The following KDM4E variants were observed in gnomAD, a reference collection of about 807,000 sequenced individuals.
KDM4E encodes lysine demethylase 4E, also known as lysine-specific demethylase 4E.
For synonymous variants in KDM4E, 229 were observed against 232.9 expected, an observed-to-expected ratio of 0.98 and a Z score of 0.15; for missense variants, 576 against 642.6, an observed-to-expected ratio of 0.90 and a Z score of 1.12.
At position 95,025,372 on chromosome 11, in the gene KDM4E, C is replaced by T. The variant is rs797033874; in HGVS notation, c.-186C>T. On this transcript the variant is annotated 5_prime_UTR_variant, in exon 1 of 1. Transcript: ENST00000450979. The stretch of plus-strand genomic sequence containing the variant: ...AAGTATACTGACTAGAGTGGAGTCC[C>T]CCTGGGGAGTCAGAAAGCCTGTGAA... 1.3e-6 allele frequency: 1 copy of T among 761,266 alleles called. No individual in the cohort carries two copies. 47.2% of individuals were successfully genotyped at this position (761,266 alleles called of 1,614,324 possible).
In KDM4E at chr11:95,026,986, A is replaced by G; in HGVS notation, c.1429A>G (p.Arg477Gly). 6.5e-7 allele frequency: 1 copy of G among 1,537,172 alleles called. No individual in the cohort carries two copies. Among genetic ancestry groups the G allele is most frequent in the East Asian group, 2.4e-5 (1 of 40,902 alleles). Residue 477 changes from arginine to glycine, a missense_variant, in exon 1 of 1, where the codon AGG becomes GGG. Transcript: ENST00000450979. The stretch of plus-strand genomic sequence containing the variant: ...GCCAACTGTTCAGCCTGCATCCAAG[A>G]GGCGCCTTTTAATGGGTACAAGGAG... ...EEPTVQPASK[R>G]RLLMGTRSRA...
Position 95,026,346 on chromosome 11 carries a change from G to A in KDM4E, c.789G>A (p.Gln263=), listed in dbSNP as rs782138740. ...ENGIPFNCMT[Q]EAGEFMVTFP... ...GGATTCCCTTCAATTGCATGACTCA[G>A]GAGGCTGGGGAGTTCATGGTGACCT... Residue 263 remains glutamine (Q), a synonymous_variant, in exon 1 of 1, where the codon CAG becomes CAA. Transcript: ENST00000450979. The A allele has an allele frequency of 6.2e-7, 1 of 1,614,128 alleles. No individual in the cohort carries two copies. Among genetic ancestry groups the A allele is most frequent in the South Asian group, 1.1e-5 (1 of 91,082 alleles).
chr11:95,026,375 C>A lies in KDM4E; in HGVS notation c.818C>A (p.Pro273His). ...GCTGGGGAGTTCATGGTGACCTTTC[C>A]CTATGGCTACCATGCTGGCTTCAAT... The part of the protein sequence containing the change: ...QEAGEFMVTF[P>H]YGYHAGFNHG... Residue 273 changes from proline (P) to histidine (H), a missense_variant, in exon 1 of 1, where the codon CCC becomes CAC. Transcript: ENST00000450979. The A allele has an allele frequency of 6.2e-7, 1 of 1,614,048 alleles. No homozygotes were observed. The highest frequency in any genetic ancestry group is 1.1e-5 in the South Asian group (1 of 91,082).
Position 95,026,776 on chromosome 11 carries a change from T to G in KDM4E, c.1219T>G (p.Phe407Val), listed in dbSNP as rs143234858. The change falls in exon 1 of 1, where the codon TTC becomes GTC. Residue 407 changes from phenylalanine to valine, a missense_variant. Physicochemically the swap from Phe to Val is conservative, Grantham distance 50. Coordinates refer to ENST00000450979, the MANE Select transcript of KDM4E (RefSeq NM_001161630.1). Reference protein sequence around the residue: ...CGTDAVPGSAFQSSAYHTQTQ... With the variant: ...CGTDAVPGSAVQSSAYHTQTQ... ...CACTGATGCTGTGCCTGGATCCGCATTCCAAAGCTCTGCATATCATACCCA... is the reference window on the plus strand; with the variant it reads ...CACTGATGCTGTGCCTGGATCCGCAGTCCAAAGCTCTGCATATCATACCCA... 15,411 of 1,537,254 alleles carry G rather than the reference T, an allele frequency of 0.01. 103 individuals are homozygous for G. Among genetic ancestry groups the G allele is most frequent in the Non-Finnish European group, 0.012 (13,698 of 1,146,906 alleles).
chr11:95,026,981 C>T lies in KDM4E; in HGVS notation c.1424C>T (p.Ser475Phe). Residue 475 changes from serine to phenylalanine, a missense_variant, in exon 1 of 1, where the codon TCC (serine) becomes TTC (phenylalanine). Ser to Phe is a radical substitution (Grantham distance 155). Transcript: ENST00000450979. ...GTEEPTVQPA[S>F]KRRLLMGTRS... is the part of the protein sequence containing the mutation. ...GAGGAGCCAACTGTTCAGCCTGCATCCAAGAGGCGCCTTTTAATGGGTACA... is the reference window on the plus strand; with the variant it reads ...GAGGAGCCAACTGTTCAGCCTGCATTCAAGAGGCGCCTTTTAATGGGTACA... The T allele has an allele frequency of 6.5e-7, 1 of 1,537,198 alleles. No individual in the cohort carries two copies. Among genetic ancestry groups the T allele is most frequent in the African/African-American group, 1.4e-5 (1 of 73,144 alleles).
Position 95,026,622 on chromosome 11 carries a change from G to A in KDM4E, c.1065G>A (p.Leu355=), listed in dbSNP as rs976665304. ...TEPRVAESQE[L]SNWRDDIVLR... ...CCAGGGTTGCAGAAAGCCAAGAGCTGAGCAACTGGAGAGATGATATAGTAC... is the reference window on the plus strand; with the variant it reads ...CCAGGGTTGCAGAAAGCCAAGAGCTAAGCAACTGGAGAGATGATATAGTAC... The change falls in exon 1 of 1, where the codon CTG becomes CTA. Residue 355 remains leucine, a synonymous_variant. Transcript: ENST00000450979. The A allele has an allele frequency of 2.0e-5, 31 of 1,537,170 alleles. No individual in the cohort carries two copies. Among genetic ancestry groups the A allele is most frequent in the Middle Eastern group, 1.7e-4 (1 of 6,012 alleles).
In KDM4E at chr11:95,025,650, T is replaced by C; in HGVS notation, c.93T>C (p.Tyr31=). The change falls in exon 1 of 1, where the codon TAT becomes TAC. Residue 31 remains tyrosine (Y), a synonymous_variant. Coordinates refer to ENST00000450979, the MANE Select transcript of KDM4E (RefSeq NM_001161630.1). Reference sequence around the variant, plus strand: ...AAGAATTTGCAGATTTCAACACATATGTTGCTTACATGGAGTCCCAAGGCG... The same window carrying C: ...AAGAATTTGCAGATTTCAACACATACGTTGCTTACATGGAGTCCCAAGGCG... The part of the protein sequence containing the change: ...TMEEFADFNT[Y]VAYMESQGAH... 2.6e-6 allele frequency: 4 copies of C among 1,540,802 alleles called. No homozygotes were observed. Among genetic ancestry groups the C allele is most frequent in the Non-Finnish European group, 3.5e-6 (4 of 1,148,544 alleles).
rs1858279208 is a variant in KDM4E, at chr11:95,027,017, C to T, written c.1460C>T (p.Ala487Val). 1.3e-6 allele frequency: 2 copies of T among 1,537,228 alleles called. No homozygotes were observed. The highest frequency in any genetic ancestry group is 1.7e-6 in the Non-Finnish European group (2 of 1,146,900). The change falls in exon 1 of 1, where the codon GCT (alanine) becomes GTT (valine). Residue 487 changes from alanine (A) to valine (V), a missense_variant. Ala to Val is a moderately conservative substitution (Grantham distance 64, BLOSUM62 0). Transcript: ENST00000450979. ...RRLLMGTRSRAQGHRPQLPLA... is the reference protein window; with the variant it reads ...RRLLMGTRSRVQGHRPQLPLA... ...CTTTTAATGGGTACAAGGAGTAGAG[C>T]TCAAGGCCACAGGCCTCAGCTCCCG... is the stretch of plus-strand genomic sequence containing the variant.
Position 95,026,902 on chromosome 11 carries a change from C to T in KDM4E, c.1345C>T (p.Arg449Ter), listed in dbSNP as rs1471615911. 15 of 1,536,814 alleles carry T rather than the reference C, an allele frequency of 9.8e-6. No individual in the cohort carries two copies. In the Admixed American group the frequency reaches 1.2e-4, roughly 12 times the overall value. ...RGRGRGQGQG[R>*]GCSRGRGHGC... is the part of the protein sequence containing the mutation. ...TCGTGGTCGTGGTCAAGGTCAAGGT[C>T]GAGGTTGCAGTCGTGGTCGTGGTCA... Residue 449 changes from arginine to a stop codon, truncating the protein, a stop_gained, in exon 1 of 1, where the codon CGA becomes TGA. Transcript: ENST00000450979. LOFTEE classifies it low-confidence loss of function (END_TRUNC).
chr11:95,025,724 C>A lies in KDM4E; in HGVS notation c.167C>A (p.Ala56Asp). The A allele has an allele frequency of 6.4e-7, 1 of 1,574,168 alleles. No homozygotes were observed. The highest frequency in any genetic ancestry group is 8.6e-7 in the Non-Finnish European group (1 of 1,165,704). Residue 56 changes from alanine (A) to aspartate (D), a missense_variant, in exon 1 of 1, where the codon GCC becomes GAC. Coordinates refer to ENST00000450979, the MANE Select transcript of KDM4E (RefSeq NM_001161630.1). ...GTAATTCCACCCAAGGAATGGAAAG[C>A]CAGACAGATGTATGATGATATCGAA... ...AKVIPPKEWKARQMYDDIEDI... is the reference protein window; with the variant it reads ...AKVIPPKEWKDRQMYDDIEDI...
rs782576842 is a variant in KDM4E, at chr11:95,026,538, C to G, written c.981C>G (p.Pro327=). 4 of 1,552,606 alleles carry G rather than the reference C, an allele frequency of 2.6e-6. No individual in the cohort carries two copies. The highest frequency in any genetic ancestry group is 1.9e-5 in the Admixed American group (1 of 52,194). ...ACCCCTTTGTGCGCATTGTGCAACC[C>G]GAGAGTTATGAGCTCTGGAAACACA... The part of the protein sequence containing the change: ...SMDPFVRIVQ[P]ESYELWKHRQ... Residue 327 remains proline, a synonymous_variant, in exon 1 of 1, where the codon CCC becomes CCG. Transcript: ENST00000450979.
Position 95,026,721 on chromosome 11 carries a change from A to C in KDM4E, c.1164A>C (p.Ser388=). The change falls in exon 1 of 1, where the codon TCA becomes TCC. Residue 388 remains serine (S), a synonymous_variant. Coordinates refer to ENST00000450979, the MANE Select transcript of KDM4E (RefSeq NM_001161630.1). ...TAQCPTQPVS[S]GHCYNPKGCG... ...AGTGTCCCACACAGCCTGTGTCCTC[A>C]GGGCACTGTTACAACCCAAAAGGCT... 1 of 1,537,238 alleles carries C rather than the reference A, an allele frequency of 6.5e-7. No homozygotes were observed. Among genetic ancestry groups the C allele is most frequent in the Non-Finnish European group, 8.7e-7 (1 of 1,146,902 alleles).
rs1555102986 is a variant in KDM4E, at chr11:95,026,670, G to A, written c.1113G>A (p.Leu371=). 2 of 1,537,146 alleles carry A rather than the reference G, an allele frequency of 1.3e-6. No homozygotes were observed. Among genetic ancestry groups the A allele is most frequent in the Non-Finnish European group, 1.7e-6 (2 of 1,146,918 alleles). The change falls in exon 1 of 1, where the codon CTG becomes CTA. Residue 371 remains leucine, a synonymous_variant. Coordinates refer to ENST00000450979, the MANE Select transcript of KDM4E (RefSeq NM_001161630.1). ...DIVLRRAALG[L]RLLPNLTAQC... Reference sequence around the variant, plus strand: ...TACTTAGAAGAGCTGCTCTGGGCCTGAGGCTTCTCCCAAACCTCACAGCCC... The same window carrying A: ...TACTTAGAAGAGCTGCTCTGGGCCTAAGGCTTCTCCCAAACCTCACAGCCC...
chr11:95,026,930 G>A lies in KDM4E; in HGVS notation c.1373G>A (p.Gly458Asp), dbSNP rs1299635596. The A allele has an allele frequency of 1.3e-6, 2 of 1,537,208 alleles. No individual in the cohort carries two copies. Among genetic ancestry groups the A allele is most frequent in the East Asian group, 2.4e-5 (1 of 40,912 alleles). ...GGTTGCAGTCGTGGTCGTGGTCATG[G>A]TTGTTGTACTCGAGAACTGGGGACT... ...GRGCSRGRGH[G>D]CCTRELGTEE... The change falls in exon 1 of 1, where the codon GGT (glycine) becomes GAT (aspartate). Residue 458 changes from glycine (G) to aspartate (D), a missense_variant. Physicochemically the swap from Gly to Asp is moderately conservative, Grantham distance 94. Coordinates refer to ENST00000450979, the MANE Select transcript of KDM4E (RefSeq NM_001161630.1).
Position 95,027,136 on chromosome 11 carries a change from A to C in KDM4E, c.*58A>C. Reference sequence around the variant, plus strand: ...GGCTGCTGCTGTGTCCCTGATCTTCAACTCCTGGGGCCCCCACTGGATCGT... The same window carrying C: ...GGCTGCTGCTGTGTCCCTGATCTTCCACTCCTGGGGCCCCCACTGGATCGT... On this transcript the variant is annotated 3_prime_UTR_variant, in exon 1 of 1. Transcript: ENST00000450979. The C allele has an allele frequency of 6.6e-7, 1 of 1,511,354 alleles. No homozygotes were observed. The highest frequency in any genetic ancestry group is 2.1e-5 in the Admixed American group (1 of 47,896). The allele number at this position is 1,511,354 out of a possible 1,614,324, so 93.6% of individuals were successfully genotyped here. A position where few individuals can be genotyped will look rare whatever the true frequency, so the allele number is the denominator to read the frequency against.
In KDM4E at chr11:95,026,974, C is replaced by G; in HGVS notation, c.1417C>G (p.Pro473Ala). ...GGGGACTGAGGAGCCAACTGTTCAGCCTGCATCCAAGAGGCGCCTTTTAAT... is the reference window on the plus strand; with the variant it reads ...GGGGACTGAGGAGCCAACTGTTCAGGCTGCATCCAAGAGGCGCCTTTTAAT... Reference protein sequence around the residue: ...ELGTEEPTVQPASKRRLLMGT... With the variant: ...ELGTEEPTVQAASKRRLLMGT... The change falls in exon 1 of 1, where the codon CCT becomes GCT. Residue 473 changes from proline (P) to alanine (A), a missense_variant. Physicochemically the swap from Pro to Ala is conservative, Grantham distance 27. Transcript: ENST00000450979. 6.5e-7 allele frequency: 1 copy of G among 1,537,214 alleles called. No homozygotes were observed. Among genetic ancestry groups the G allele is most frequent in the African/African-American group, 1.4e-5 (1 of 73,148 alleles).
rs1477258921 is a variant in KDM4E, at chr11:95,026,519, T to C, written c.962T>C (p.Phe321Ser). The C allele has an allele frequency of 1.3e-6, 2 of 1,568,770 alleles. No homozygotes were observed. The highest frequency in any genetic ancestry group is 2.7e-5 in the African/African-American group (2 of 74,376). ...ACAGTGACCTTTTCCATGGACCCCT[T>C]TGTGCGCATTGTGCAACCCGAGAGT... is the stretch of plus-strand genomic sequence containing the variant. ...ESTVTFSMDP[F>S]VRIVQPESYE... The change falls in exon 1 of 1, where the codon TTT becomes TCT. Residue 321 changes from phenylalanine to serine, a missense_variant. Coordinates refer to ENST00000450979, the MANE Select transcript of KDM4E (RefSeq NM_001161630.1).
At position 95,027,244 on chromosome 11, in the gene KDM4E, C is replaced by T; in HGVS notation, c.*166C>T. On this transcript the variant is annotated 3_prime_UTR_variant, in exon 1 of 1. Transcript: ENST00000450979. ...CTCCCTGATGTTGTCTGCATGACTC[C>T]TCCCAATGTCATTGTGCCTTTGATT... is the stretch of plus-strand genomic sequence containing the variant. 2 of 942,774 alleles carry T rather than the reference C, an allele frequency of 2.1e-6. No individual in the cohort carries two copies. The highest frequency in any genetic ancestry group is 1.8e-5 in the South Asian group (1 of 55,590). 58.4% of individuals were successfully genotyped at this position (942,774 alleles called of 1,614,324 possible).
chr11:95,025,554 A>T lies in KDM4E; in HGVS notation c.-4A>T, dbSNP rs1555102553. On this transcript the variant is annotated 5_prime_UTR_variant, in exon 1 of 1. Transcript: ENST00000450979. ...TGGGAGTCAGCTGCTTCTTGTGTGC[A>T]GCCATGAAGTCTGTGCACTCCAGTC... 1 of 1,519,144 alleles carries T rather than the reference A, an allele frequency of 6.6e-7. No homozygotes were observed. The highest frequency in any genetic ancestry group is 8.8e-7 in the Non-Finnish European group (1 of 1,133,182). 94.1% of individuals were successfully genotyped at this position (1,519,144 alleles called of 1,614,324 possible). A position where few individuals can be genotyped will look rare whatever the true frequency, so the allele number is the denominator to read the frequency against.
Sources: gnomAD v4.1 joint callset for allele counts on GRCh38, gnomAD v4.1.1 for gene constraint, MANE v1.5 for transcripts, NCBI Gene and HGNC (gene_info 2026-07-23, HGNC 2026-07-21) for gene names.